Variants in COL4A4 observed in about 807,000 individuals in gnomAD.
The protein encoded by COL4A4 is collagen type IV alpha 4 chain.
COL4A4 carries 105 observed loss-of-function variants against 192.9 expected under a neutral mutation model. That is an observed-to-expected ratio of 0.54 (90% CI 0.46 to 0.64). The LOEUF (loss-of-function observed/expected upper bound fraction) is 0.64. Ranked by LOEUF, COL4A4 falls within the 30% of genes least tolerant of loss-of-function variation. COL4A4 has a pLI of 0.00. For missense variants in COL4A4, 1,967 were observed against 2,169.3 expected, an observed-to-expected ratio of 0.91 and a Z score of 1.85; for synonymous variants, 762 against 769.9, an observed-to-expected ratio of 0.99 and a Z score of 0.17.
At chr2:227,042,058 G>A in intron 37 of COL4A4, 90 bp downstream of exon 37, 1 of 823,814 alleles carries the variant, frequency 1.2e-6, no homozygotes, top group South Asian at 1.3e-5. Context: ...ACCAAGAGCA[G>A]GGTCACTCAC....
chr2:226,969,394 CTT>C, the COL4A4 span, among the ~76,000 whole-genome samples: 20 of 115,494 alleles, frequency 1.7e-4, no homozygotes, highest in Admixed American at 2.8e-4. Flanking sequence ...ACAGCTCAGC[CTT>C]TTTTTTTTTT....
At chr2:227,023,814 C>A (rs917882304) in intron 43 of COL4A4, among the ~76,000 whole-genome samples, 1 of 151,874 alleles carries the variant, frequency 6.6e-6, no homozygotes. Flanking sequence ...GAGATTGAGA[C>A]CATCCTAGCC....
At chr2:227,043,663 C>A (rs1971897965) in intron 35 of COL4A4, among the ~76,000 whole-genome samples, 1 of 152,090 alleles carries the variant, frequency 6.6e-6, no homozygotes, top group Non-Finnish European at 1.5e-5. Context: ...AGGAAAAATT[C>A]CTAGGAGTAG....
chr2:227,097,738 C>A (rs1394279920), intron 19 of COL4A4, among the ~76,000 whole-genome samples: 1 of 152,172 alleles, frequency 6.6e-6, no homozygotes, highest in Non-Finnish European at 1.5e-5. Context: ...GTGAACTAGA[C>A]AAAGCTTTTC....
In COL4A4 at chr2:227,081,757, C is replaced by T. The variant is rs544359514; in HGVS notation, c.1696+358G>A. ...TAGGTCAATAAATTACTTAAAAAAA[C>T]GATTTCAAGCTGGGCTTCTTTCATT... On this transcript the variant is annotated intron_variant, in intron 23 of 47. Transcript: ENST00000396625. Among the ~76,000 whole-genome samples the T allele has an allele frequency of 1.2e-4, 18 of 152,178 alleles. No individual in the cohort carries two copies. The East Asian group carries it at 2.1e-3, about 18-fold the overall frequency.
At chr2:227,046,710 CT>C (rs1436718721) in intron 35 of COL4A4, among the ~76,000 whole-genome samples, 3 of 152,066 alleles carry the variant, frequency 2.0e-5, no homozygotes, top group Non-Finnish European at 4.4e-5. Context: ...CTGCTTTCCC[CT>C]CTAGGGGTCC....
chr2:227,035,806 G>C (rs1223973753), intron 37 of COL4A4, among the ~76,000 whole-genome samples: 7 of 152,088 alleles, frequency 4.6e-5, no homozygotes, highest in Non-Finnish European at 8.8e-5. Context: ...TGATGGCTTG[G>C]GGACTTGGCT....
At chr2:227,025,837 A>G in intron 42 of COL4A4, 27 bp from the exon 43 acceptor site, 2 of 1,610,282 alleles carry the variant, frequency 1.2e-6, no homozygotes, top group African/African-American at 1.3e-5. Flanking sequence ...ACAACAAACG[A>G]GGCCAGTCCA....
chr2:227,131,296 A>G (rs1397567622), intron 4 of COL4A4, among the ~76,000 whole-genome samples: 2 of 151,888 alleles, frequency 1.3e-5, no homozygotes, highest in East Asian at 3.9e-4. Flanking sequence ...CTGGTATTAC[A>G]GGCACCCACC....
At chr2:227,022,773 T>C (rs1966272730) in intron 43 of COL4A4, among the ~76,000 whole-genome samples, 1 of 152,192 alleles carries the variant, frequency 6.6e-6, no homozygotes, top group African/African-American at 2.4e-5. Flanking sequence ...AATACTGATT[T>C]ACTTGATAAT....
chr2:227,084,785 G>A (rs2059498656), intron 22 of COL4A4, among the ~76,000 whole-genome samples: 1 of 152,116 alleles, frequency 6.6e-6, no homozygotes, highest in African/African-American at 2.4e-5. Context: ...CTTAAGACCT[G>A]AGATCACCAA....
chr2:226,998,524 A>ATAAC (rs1454731109), downstream of COL4A4: 2 of 152,150 alleles, frequency 1.3e-5, no homozygotes, highest in African/African-American at 4.8e-5. Context: ...AAATATATAT[A>ATAAC]TAACTTCTTC....
chr2:227,055,932 A>G lies in COL4A4; in HGVS notation c.2716+13T>C, dbSNP rs1262586957. 35 of 1,610,508 alleles carry G rather than the reference A, an allele frequency of 2.2e-5. No homozygotes were observed. Among genetic ancestry groups the G allele is most frequent in the Non-Finnish European group, 2.9e-5 (34 of 1,178,586 alleles). ...CTAAGATGGGAGGACATCATGGAAA[A>G]AGCACTACCTACCCTTTGGACCTGG... On this transcript the variant is annotated intron_variant, in intron 30 of 47. Transcript: ENST00000396625.
At chr2:227,021,443 C>T (rs975435287) in intron 44 of COL4A4, among the ~76,000 whole-genome samples, 1 of 152,166 alleles carries the variant, frequency 6.6e-6, no homozygotes, top group African/African-American at 2.4e-5. Flanking sequence ...GTTCATGGAG[C>T]ATCTACCATG....
chr2:226,978,621 A>G, the COL4A4 span, among the ~76,000 whole-genome samples: 5 of 152,234 alleles, frequency 3.3e-5, no homozygotes, highest in African/African-American at 9.6e-5. Context: ...GAATGTGGAC[A>G]TAAACCCTCA....
At chr2:227,045,865 CAT>C (rs1253553924) in intron 35 of COL4A4, among the ~76,000 whole-genome samples, 1 of 63,044 alleles carries the variant, frequency 1.6e-5, no homozygotes, top group Non-Finnish European at 2.9e-5. Flanking sequence ...TATATATACA[CAT>C]ATATATACAT....
At chr2:226,968,604 T>C in the COL4A4 span, among the ~76,000 whole-genome samples, 7 of 152,218 alleles carry the variant, frequency 4.6e-5, no homozygotes, top group Admixed American at 4.6e-4. Flanking sequence ...CTTAGCCCAC[T>C]TGACACACAA....
chr2:227,079,428 A>G (rs996713816), intron 24 of COL4A4, among the ~76,000 whole-genome samples: 1 of 152,216 alleles, frequency 6.6e-6, no homozygotes, highest in African/African-American at 2.4e-5. Context: ...GAGATTACCA[A>G]GCCTAAAGCA....
intron 25 of COL4A4, among the ~76,000 whole-genome samples, chr2:227,072,284 AC>A (rs2058767753): frequency 1.3e-5 from 2 of 152,132 alleles, no homozygotes; most frequent in South Asian, 4.1e-4. Context: ...CTTTATGTAC[AC>A]AAACTAGGAA....
Sources: gnomAD v4.1 joint callset for allele counts (sites outside exome capture counted in the v4.1 genomes callset) on GRCh38, gnomAD v4.1.1 for gene constraint, MANE v1.5 for transcripts, NCBI Gene and HGNC (gene_info 2026-07-23, HGNC 2026-07-21) for gene names.